CCSER1: variants seen among roughly 807,000 people sequenced by gnomAD.
CCSER1 encodes coiled-coil serine rich protein 1, also known as serine-rich coiled-coil domain-containing protein 1.
A neutral mutation model predicts 82.0 loss-of-function variants in CCSER1; 41 were observed. The ratio of observed to expected loss-of-function variants is 0.50; its 90% CI spans 0.39 to 0.65. The LOEUF is 0.65. Ranked by LOEUF, CCSER1 falls within the 30% of genes least tolerant of loss-of-function variation. The pLI is 0.00. For synonymous variants in CCSER1, 414 were observed against 383.9 expected, an observed-to-expected ratio of 1.08 and a Z score of -0.92; for missense variants, 1,119 against 1,064.2, an observed-to-expected ratio of 1.05 and a Z score of -0.72.
chr4:91,224,262 C>A (rs552390984), intron 10 of CCSER1, among the ~76,000 whole-genome samples: 47 of 151,960 alleles, frequency 3.1e-4, no homozygotes, highest in Middle Eastern at 3.4e-3. Context: ...ATATATTTAA[C>A]GAAATGGTAA....
chr4:90,821,756 T>C (rs1020256465), intron 8 of CCSER1, among the ~76,000 whole-genome samples: 2 of 152,200 alleles, frequency 1.3e-5, no homozygotes, highest in African/African-American at 4.8e-5. Context: ...TTCTCACTTC[T>C]GAGAAAGTTT....
At position 90,263,772 on chromosome 4, in the gene CCSER1, A is replaced by C. The variant is rs968113469; in HGVS notation, c.-41-44472A>C. 2.6e-5 allele frequency among the ~76,000 whole-genome samples: 4 copies of C among 152,102 alleles called. No homozygotes were observed. The East Asian group carries it at 7.7e-4, about 29-fold the overall frequency. On this transcript the variant is annotated intron_variant, in intron 1 of 10. Transcript: ENST00000509176. ...ATGGGTGGAGCTATAAAGCTCCCAA[A>C]AGTTTATGTCCTTTGTGTTAAGCTA...
chr4:91,241,803 C>T (rs1300425389), intron 10 of CCSER1, among the ~76,000 whole-genome samples: 6 of 151,900 alleles, frequency 3.9e-5, no homozygotes, highest in African/African-American at 7.3e-5. Flanking sequence ...AAGTATTATA[C>T]CAAAATGAAT....
At chr4:90,370,547 CATT>C (rs1349600418) in intron 3 of CCSER1, 3 of 151,952 alleles carry the variant, frequency 2.0e-5, no homozygotes, top group African/African-American at 7.2e-5. Context: ...TAAAATTAAA[CATT>C]ATTCATAATT....
rs1404102138 is a variant in CCSER1 at position 91,601,639 on chromosome 4, G to A, written c.*2582G>A. 1.3e-5 allele frequency: 2 copies of A among 151,992 alleles called. No homozygotes were observed. The highest frequency in any genetic ancestry group is 4.8e-5 in the African/African-American group (2 of 41,434). 9.4% of individuals were successfully genotyped at this position (151,992 alleles called of 1,614,324 possible). A position where few individuals can be genotyped will look rare whatever the true frequency, so the allele number is the denominator to read the frequency against. ...AAAAATGATTTATGCATTTCTCCAA[G>A]GCGGTACATATCCAAAGACATGACA... On this transcript the variant is annotated 3_prime_UTR_variant, in exon 11 of 11. Coordinates refer to ENST00000509176, the MANE Select transcript of CCSER1 (RefSeq NM_001145065.2).
intron 10 of CCSER1, among the ~76,000 whole-genome samples, chr4:91,181,656 A>T (rs1013358758): frequency 1.3e-5 from 2 of 152,190 alleles, no homozygotes; most frequent in African/African-American, 4.8e-5. Context: ...GGTGCAAGTC[A>T]AGCTAAACAT....
At chr4:90,945,780 C>T (rs1372776164) in intron 9 of CCSER1, among the ~76,000 whole-genome samples, 1 of 152,196 alleles carries the variant, frequency 6.6e-6, no homozygotes, top group Non-Finnish European at 1.5e-5. Flanking sequence ...CATCATTGAA[C>T]TCTATCTTCT....
chr4:91,264,374 T>C (rs1179703384), intron 10 of CCSER1, among the ~76,000 whole-genome samples: 2 of 151,914 alleles, frequency 1.3e-5, no homozygotes, highest in South Asian at 2.1e-4. Flanking sequence ...TTCTCATTTC[T>C]AATATTTTAG....
chr4:90,815,007 C>A (rs942951585), intron 7 of CCSER1, among the ~76,000 whole-genome samples: 1 of 152,060 alleles, frequency 6.6e-6, no homozygotes, highest in Non-Finnish European at 1.5e-5. Context: ...CTGTATTATC[C>A]ATTTTCACAT....
chr4:90,644,648 G>A (rs761051617), intron 6 of CCSER1, among the ~76,000 whole-genome samples: 9 of 151,800 alleles, frequency 5.9e-5, no homozygotes, highest in East Asian at 3.9e-4. Flanking sequence ...GCCCCAGTGC[G>A]TGTTGTTCCC....
At chr4:90,467,043 A>G (rs572740463) in intron 4 of CCSER1, among the ~76,000 whole-genome samples, 1 of 152,312 alleles carries the variant, frequency 6.6e-6, no homozygotes, top group East Asian at 1.9e-4. Flanking sequence ...CTACTACTAG[A>G]CATAGATGAA....
At chr4:90,141,939 G>A (rs1039685845) in intron 1 of CCSER1, among the ~76,000 whole-genome samples, 2 of 152,118 alleles carry the variant, frequency 1.3e-5, no homozygotes, top group Non-Finnish European at 2.9e-5. Flanking sequence ...ACCTGTACTC[G>A]ACCTTTGCAA....
intron 10 of CCSER1, among the ~76,000 whole-genome samples, chr4:91,543,238 G>A (rs566594274): frequency 6.6e-6 from 1 of 152,212 alleles, no homozygotes; most frequent in South Asian, 2.1e-4. Flanking sequence ...ACACTGATGG[G>A]TCTTGACTCT....
At chr4:90,630,842 G>A (rs1724238563) in intron 6 of CCSER1, among the ~76,000 whole-genome samples, 1 of 149,804 alleles carries the variant, frequency 6.7e-6, no homozygotes, top group African/African-American at 2.4e-5. Context: ...TTTTTATGAT[G>A]CACAATCGTT....
intron 10 of CCSER1, among the ~76,000 whole-genome samples, chr4:91,100,260 A>G (rs1724926835): frequency 1.3e-5 from 2 of 152,206 alleles, no homozygotes. Flanking sequence ...TTACAAGACC[A>G]TAATAATTGT....
At chr4:91,218,319 G>A (rs574359350) in intron 10 of CCSER1, among the ~76,000 whole-genome samples, 12 of 152,296 alleles carry the variant, frequency 7.9e-5, no homozygotes, top group East Asian at 3.9e-4. Flanking sequence ...CGCAAGGGCC[G>A]CACGCAGCCC....
At chr4:91,506,950 G>A (rs1457271061) in intron 10 of CCSER1, among the ~76,000 whole-genome samples, 1 of 151,948 alleles carries the variant, frequency 6.6e-6, no homozygotes, top group East Asian at 1.9e-4. Context: ...CATTCATATT[G>A]TAGCATGTAT....
At chr4:90,381,847 C>G (rs1035737574) in intron 3 of CCSER1, among the ~76,000 whole-genome samples, 1 of 151,926 alleles carries the variant, frequency 6.6e-6, no homozygotes, top group African/African-American at 2.4e-5. Context: ...ATTTTTAATA[C>G]TCATCATTAT....
intron 5 of CCSER1, among the ~76,000 whole-genome samples, chr4:90,518,882 T>G (rs1234777036): frequency 1.3e-5 from 2 of 151,920 alleles, no homozygotes; most frequent in Non-Finnish European, 2.9e-5. Flanking sequence ...TGTTTCTATT[T>G]ACACATTTCA....
Sources: gnomAD v4.1 joint callset for allele counts (sites outside exome capture counted in the v4.1 genomes callset) on GRCh38, gnomAD v4.1.1 for gene constraint, MANE v1.5 for transcripts, NCBI Gene and HGNC (gene_info 2026-07-23, HGNC 2026-07-21) for gene names.